Variants in DPP6 observed in about 807,000 individuals in gnomAD.
The protein encoded by DPP6 is dipeptidyl peptidase like 6, also known as A-type potassium channel modulatory protein DPP6.
A neutral mutation model predicts 122.6 loss-of-function variants in DPP6; 69 were observed. The observed-to-expected ratio is 0.56, with a 90% CI of 0.46 to 0.69. The LOEUF (loss-of-function observed/expected upper bound fraction) is 0.69, where lower values mean the gene tolerates loss of function less well. DPP6 is among the 30% of genes least tolerant of loss of function. DPP6 has a pLI of 0.00. For synonymous variants in DPP6, 418 were observed against 433.1 expected, an observed-to-expected ratio of 0.97 and a Z score of 0.43; for missense variants, 928 against 1,116.9, an observed-to-expected ratio of 0.83 and a Z score of 2.41.
chr7:154,861,045 C>T lies in DPP6; in HGVS notation c.1715-6950C>T, dbSNP rs367816082. On this transcript the variant is annotated intron_variant, in intron 17 of 25. Transcript: ENST00000377770. The stretch of plus-strand genomic sequence containing the variant: ...AGCAGCCTGGTGCCTAACTTCAGCC[C>T]TAGGTCTTAACATGGCTGCATCAGG... Among the ~76,000 whole-genome samples the T allele has an allele frequency of 7.2e-5, 11 of 152,338 alleles. No homozygotes were observed. The East Asian group carries it at 1.9e-3, about 27-fold the overall frequency.
chr7:154,799,551 C>T (rs1013272443), intron 12 of DPP6, among the ~76,000 whole-genome samples: 3 of 152,064 alleles, frequency 2.0e-5, no homozygotes, highest in Non-Finnish European at 2.9e-5. Context: ...ATTCTTTTAT[C>T]GGAATTTTGG....
chr7:154,601,230 G>C (rs1833400376), intron 5 of DPP6, among the ~76,000 whole-genome samples: 1 of 121,162 alleles, frequency 8.3e-6, no homozygotes, highest in Non-Finnish European at 1.9e-5. Context: ...ATGTCAATTA[G>C]GTCAAATTAG....
At chr7:153,914,013 A>T (rs1282786718) in intron 1 of DPP6, among the ~76,000 whole-genome samples, 1 of 152,206 alleles carries the variant, frequency 6.6e-6, no homozygotes, top group East Asian at 1.9e-4. Flanking sequence ...TTATTTGGTG[A>T]TAACGGTTTG....
intron 1 of DPP6, among the ~76,000 whole-genome samples, chr7:153,962,652 C>A (rs567022817): frequency 6.6e-6 from 1 of 152,220 alleles, no homozygotes; most frequent in Admixed American, 6.5e-5. Context: ...AGGAAGTAAA[C>A]CTGTCAAGAA....
intron 7 of DPP6, among the ~76,000 whole-genome samples, chr7:154,718,438 A>T (rs755020570): frequency 2.2e-4 from 33 of 152,116 alleles, no homozygotes; most frequent in Non-Finnish European, 3.4e-4. Flanking sequence ...GAGGTGAGAA[A>T]TTGGGGTCTA....
chr7:154,102,448 C>T (rs1805814587), intron 1 of DPP6, among the ~76,000 whole-genome samples: 1 of 152,152 alleles, frequency 6.6e-6, no homozygotes, highest in Admixed American at 6.5e-5. Flanking sequence ...CTCAGCCTCC[C>T]AAAGTGCTGG....
At chr7:153,877,580 T>C in the DPP6 span, among the ~76,000 whole-genome samples, 1 of 152,244 alleles carries the variant, frequency 6.6e-6, no homozygotes, top group South Asian at 2.1e-4. Context: ...GGGACTACTG[T>C]GGTATATGTG....
At chr7:154,175,033 C>T (rs1399302789) in intron 1 of DPP6, among the ~76,000 whole-genome samples, 1 of 150,534 alleles carries the variant, frequency 6.6e-6, no homozygotes, top group African/African-American at 2.4e-5. Flanking sequence ...GCAACACGCG[C>T]CCCCCACCCC....
chr7:153,807,307 G>T, the DPP6 span, among the ~76,000 whole-genome samples: 1 of 151,702 alleles, frequency 6.6e-6, no homozygotes, highest in Non-Finnish European at 1.5e-5. Context: ...GTAGGCTGAG[G>T]CAGGAGAATC....
the DPP6 span, among the ~76,000 whole-genome samples, chr7:153,759,953 G>GTC: frequency 2.1e-5 from 3 of 145,900 alleles, no homozygotes; most frequent in African/African-American, 7.7e-5. Context: ...CTCTCTCTCT[G>GTC]TCTCTCTCTG....
At chr7:154,354,827 C>T (rs1027773495) in intron 1 of DPP6, among the ~76,000 whole-genome samples, 1 of 151,882 alleles carries the variant, frequency 6.6e-6, no homozygotes, top group African/African-American at 2.4e-5. Flanking sequence ...TCATTATGCA[C>T]AATGCTGCGG....
chr7:154,744,215 T>C (rs927669437), intron 8 of DPP6, among the ~76,000 whole-genome samples: 10 of 152,056 alleles, frequency 6.6e-5, no homozygotes, highest in African/African-American at 2.4e-4. Context: ...GAAGCATTTA[T>C]TGTCTCTCAC....
intron 1 of DPP6, among the ~76,000 whole-genome samples, chr7:153,911,435 G>C (rs760387346): frequency 1.6e-4 from 25 of 152,142 alleles, no homozygotes; most frequent in Non-Finnish European, 2.6e-4. Flanking sequence ...TTCACTCTCA[G>C]GGATCTTGTC....
chr7:154,779,397 A>C lies in DPP6; in HGVS notation c.1136+6455A>C, dbSNP rs553011236. The stretch of plus-strand genomic sequence containing the variant: ...TCTCACTTGGTCCCTGTTGCTCTCC[A>C]TTCTTAGGTCTCCTCTGCCTCCTTC... On this transcript the variant is annotated intron_variant, in intron 10 of 25. Transcript: ENST00000377770. 2.0e-5 allele frequency among the ~76,000 whole-genome samples: 3 copies of C among 150,252 alleles called. No individual in the cohort carries two copies. In the East Asian group the frequency reaches 6.0e-4, roughly 30 times the overall value.
chr7:153,958,990 A>G (rs1446278615), intron 1 of DPP6, among the ~76,000 whole-genome samples: 1 of 152,104 alleles, frequency 6.6e-6, no homozygotes, highest in Non-Finnish European at 1.5e-5. Flanking sequence ...CGTTGAGGGG[A>G]TACATCACTT....
chr7:154,253,671 CAAT>C (rs1448561140), intron 1 of DPP6, among the ~76,000 whole-genome samples: 2 of 152,100 alleles, frequency 1.3e-5, no homozygotes, highest in Non-Finnish European at 2.9e-5. Flanking sequence ...TTGATGATGA[CAAT>C]GATGATAATG....
upstream of DPP6, among the ~76,000 whole-genome samples, chr7:154,051,883 A>C (rs1585232704): frequency 1.3e-5 from 2 of 150,388 alleles, no homozygotes; most frequent in Middle Eastern, 3.4e-3. Flanking sequence ...TCGTCCGACC[A>C]CCCCGCGCCC....
chr7:154,328,559 AAAGT>A (rs1808643838), intron 1 of DPP6, among the ~76,000 whole-genome samples: 1 of 152,212 alleles, frequency 6.6e-6, no homozygotes. Flanking sequence ...GGTGTTGTCT[AAAGT>A]AGCAGGGGAA....
the DPP6 span, among the ~76,000 whole-genome samples, chr7:153,817,857 G>T: frequency 6.6e-6 from 1 of 151,376 alleles, no homozygotes; most frequent in Non-Finnish European, 1.5e-5. Context: ...CATGGCACAT[G>T]TATACATATG....
Sources: gnomAD v4.1 joint callset for allele counts (sites outside exome capture counted in the v4.1 genomes callset) on GRCh38, gnomAD v4.1.1 for gene constraint, MANE v1.5 for transcripts, NCBI Gene and HGNC (gene_info 2026-07-23, HGNC 2026-07-21) for gene names.